The following TRMT11 variants were observed in gnomAD, a reference collection of about 807,000 sequenced individuals.
The protein encoded by TRMT11 is tRNA methyltransferase 11, also known as tRNA (guanine(10)-N(2))-methyltransferase TRMT11.
Under a neutral mutation model 62.8 loss-of-function variants are expected in TRMT11, and 53 were observed. The observed-to-expected ratio is 0.84, with a 90% CI of 0.68 to 1.06. The LOEUF (loss-of-function observed/expected upper bound fraction) is 1.06, where lower values mean the gene tolerates loss of function less well. Ranked by LOEUF, TRMT11 falls within the 50% of genes least tolerant of loss-of-function variation. The pLI is 0.00. For synonymous variants in TRMT11, 188 were observed against 190.3 expected (o/e 0.99, Z 0.10); for missense variants, 556 against 553.4 (o/e 1.00, Z -0.05).
At chr6:125,993,240 C>T (rs1018507396) in intron 1 of TRMT11, among the ~76,000 whole-genome samples, 1 of 152,190 alleles carries the variant, frequency 6.6e-6, no homozygotes, top group Non-Finnish European at 1.5e-5. Flanking sequence ...TAAACACTCT[C>T]TGGACAGATT....
chr6:126,225,910 G>A, the TRMT11 span, among the ~76,000 whole-genome samples: 14 of 151,828 alleles, frequency 9.2e-5, no homozygotes, highest in African/African-American at 3.4e-4. Context: ...GAGTACTCAC[G>A]AACTACTGAC....
At position 126,012,964 on chromosome 6, in the gene TRMT11, G is replaced by A. The variant is rs561466173; in HGVS notation, c.1008-6G>A. ...CTGATTTTGAAATTTTCTTTTCTTTGTGTAGTCCAGAAAGCCATGTTCCTG... is the reference window on the plus strand; with the variant it reads ...CTGATTTTGAAATTTTCTTTTCTTTATGTAGTCCAGAAAGCCATGTTCCTG... On this transcript the variant is annotated splice_region_variant and splice_polypyrimidine_tract_variant and intron_variant, in intron 10 of 12. Coordinates refer to ENST00000334379, the MANE Select transcript of TRMT11 (RefSeq NM_001031712.3). The A allele has an allele frequency of 3.0e-5, 48 of 1,610,146 alleles. No individual in the cohort carries two copies. The African/African-American group carries it at 3.9e-4, about 13-fold the overall frequency.
At chr6:126,214,679 A>G in the TRMT11 span, among the ~76,000 whole-genome samples, 71 of 151,968 alleles carry the variant, frequency 4.7e-4, 1 homozygote, top group South Asian at 0.011. Context: ...TCAAAAAACC[A>G]GCTTGTTGTT....
the TRMT11 span, among the ~76,000 whole-genome samples, chr6:126,264,212 TTTTC>T: frequency 2.6e-5 from 4 of 152,226 alleles, no homozygotes; most frequent in Admixed American, 2.6e-4. Flanking sequence ...TTCTATTGTA[TTTTC>T]TTTATCAATT....
At chr6:126,024,160 A>C (rs1185147433) in intron 12 of TRMT11, among the ~76,000 whole-genome samples, 1 of 152,248 alleles carries the variant, frequency 6.6e-6, no homozygotes, top group African/African-American at 2.4e-5. Context: ...TATGTTTACA[A>C]AGCATTTTAA....
the TRMT11 span, among the ~76,000 whole-genome samples, chr6:126,234,750 T>C: frequency 5.1e-3 from 775 of 152,294 alleles, 9 homozygotes; most frequent in African/African-American, 0.017. Flanking sequence ...TGGCAAACTG[T>C]CTTTATTCAT....
chr6:126,060,335 A>G (rs1393669962), intron 17 of TRMT11, among the ~76,000 whole-genome samples: 1 of 152,240 alleles, frequency 6.6e-6, no homozygotes, highest in Non-Finnish European at 1.5e-5. Context: ...CTCTAAAAAT[A>G]ATGTTTCGCC....
intron 17 of TRMT11, among the ~76,000 whole-genome samples, chr6:126,102,939 A>G (rs1777417778): frequency 6.6e-6 from 1 of 152,228 alleles, no homozygotes; most frequent in Admixed American, 6.5e-5. Context: ...CCAAAGTCAT[A>G]TAATTGTTGT....
intron 17 of TRMT11, among the ~76,000 whole-genome samples, chr6:126,107,798 T>C (rs1777481194): frequency 6.6e-6 from 1 of 152,198 alleles, no homozygotes; most frequent in Admixed American, 6.5e-5. Flanking sequence ...GAGAACTTTA[T>C]CAGATTTATT....
chr6:126,154,530 TG>T (rs1778096057), intron 21 of TRMT11, among the ~76,000 whole-genome samples: 1 of 152,234 alleles, frequency 6.6e-6, no homozygotes, highest in Non-Finnish European at 1.5e-5. Flanking sequence ...CTTGAGGTTC[TG>T]TTATGCTTAG....
intron 1 of TRMT11, among the ~76,000 whole-genome samples, chr6:126,180,003 A>G (rs1364251112): frequency 6.6e-6 from 1 of 152,186 alleles, no homozygotes; most frequent in East Asian, 1.9e-4. Flanking sequence ...CTATTTGTAA[A>G]CTATAATAAA....
chr6:126,072,247 A>G (rs1032086265), intron 17 of TRMT11, among the ~76,000 whole-genome samples: 1 of 152,204 alleles, frequency 6.6e-6, no homozygotes, highest in Non-Finnish European at 1.5e-5. Flanking sequence ...GGGAGCTCTG[A>G]AGTTGAACTA....
intron 17 of TRMT11, among the ~76,000 whole-genome samples, chr6:126,076,561 TA>T (rs998531231): frequency 1.3e-5 from 2 of 152,160 alleles, no homozygotes; most frequent in Non-Finnish European, 1.5e-5. Context: ...AACTTGCAAA[TA>T]AAAAAGATGA....
intron 17 of TRMT11, among the ~76,000 whole-genome samples, chr6:126,092,289 A>ATT (rs1416538382): frequency 0.01 from 1,589 of 152,308 alleles, 22 homozygotes; most frequent in African/African-American, 0.036. Context: ...ATAAAGAAAA[A>ATT]GATGTTTAAT....
intron 21 of TRMT11, among the ~76,000 whole-genome samples, chr6:126,123,488 C>T (rs1245043748): frequency 6.6e-6 from 1 of 152,032 alleles, no homozygotes; most frequent in African/African-American, 2.4e-5. Flanking sequence ...GATGGCTCTG[C>T]CTAAGAAATC....
intron 17 of TRMT11, among the ~76,000 whole-genome samples, chr6:126,060,819 C>T (rs921208211): frequency 6.6e-6 from 1 of 152,202 alleles, no homozygotes; most frequent in African/African-American, 2.4e-5. Flanking sequence ...CTGAGTCTTG[C>T]AGCATTTTGA....
downstream of TRMT11, among the ~76,000 whole-genome samples, chr6:126,042,173 G>A (rs1775897693): frequency 6.6e-6 from 1 of 152,168 alleles, no homozygotes; most frequent in Non-Finnish European, 1.5e-5. Flanking sequence ...TAAACATACT[G>A]TGATTCTATC....
the TRMT11 span, among the ~76,000 whole-genome samples, chr6:126,234,411 A>G: frequency 6.6e-6 from 1 of 152,114 alleles, no homozygotes; most frequent in Admixed American, 6.5e-5. Context: ...TAAATTTTAT[A>G]ATTGGAAGCT....
At chr6:126,260,147 T>A in the TRMT11 span, among the ~76,000 whole-genome samples, 3 of 152,214 alleles carry the variant, frequency 2.0e-5, no homozygotes, top group African/African-American at 4.8e-5. Flanking sequence ...CTCCCACTTT[T>A]TATTTTGTTG....
Sources: gnomAD v4.1 joint callset for allele counts (sites outside exome capture counted in the v4.1 genomes callset) on GRCh38, gnomAD v4.1.1 for gene constraint, MANE v1.5 for transcripts, NCBI Gene and HGNC (gene_info 2026-07-23, HGNC 2026-07-21) for gene names.